Variants in NR6A1 observed in about 807,000 individuals in gnomAD.
NR6A1 encodes the protein nuclear receptor subfamily 6 group A member 1.
Under a neutral mutation model 59.1 loss-of-function variants are expected in NR6A1, and 7 were observed. The observed-to-expected ratio is 0.12, with a 90% CI of 0.07 to 0.22. The LOEUF is 0.22. Ranked by LOEUF, NR6A1 falls within the 10% of genes least tolerant of loss-of-function variation. The pLI, the probability that NR6A1 is intolerant of heterozygous loss-of-function variation, is 1.00. For missense variants in NR6A1, 468 were observed against 611.6 expected, an observed-to-expected ratio of 0.77 and a Z score of 2.48; for synonymous variants, 243 against 236.1, an observed-to-expected ratio of 1.03 and a Z score of -0.27.
intron 2 of NR6A1, among the ~76,000 whole-genome samples, chr9:124,650,358 C>T (rs1278019956): frequency 1.3e-5 from 2 of 152,048 alleles, no homozygotes; most frequent in African/African-American, 4.8e-5. Flanking sequence ...CATGTTCCCA[C>T]TCATACATGG....
At position 124,650,217 on chromosome 9, in the gene NR6A1, G is replaced by A. The variant is rs543036629; in HGVS notation, c.142+83091C>T. Among the ~76,000 whole-genome samples the A allele has an allele frequency of 1.2e-4, 19 of 152,192 alleles. No homozygotes were observed. In the South Asian group the frequency reaches 2.9e-3, roughly 23 times the overall value. ...CCTAAGGGTCCATCACCAAATGAGCGGATAAATAAAATGTGCATAAGTACA... is the reference window on the plus strand; with the variant it reads ...CCTAAGGGTCCATCACCAAATGAGCAGATAAATAAAATGTGCATAAGTACA... On this transcript the variant is annotated intron_variant, in intron 2 of 9. Transcript: ENST00000487099.
chr9:124,664,249 G>A (rs1837535086), intron 2 of NR6A1, among the ~76,000 whole-genome samples: 1 of 152,174 alleles, frequency 6.6e-6, no homozygotes, highest in African/African-American at 2.4e-5. Context: ...CCTTTTGGAG[G>A]ACATAAGGCA....
At chr9:124,546,168 T>A (rs1455057232) in intron 3 of NR6A1, among the ~76,000 whole-genome samples, 2 of 152,196 alleles carry the variant, frequency 1.3e-5, no homozygotes, top group African/African-American at 4.8e-5. Context: ...AAAATACGTA[T>A]ATGATAGAAA....
At chr9:124,659,369 C>T (rs1391089473) in intron 2 of NR6A1, among the ~76,000 whole-genome samples, 1 of 152,232 alleles carries the variant, frequency 6.6e-6, no homozygotes, top group Non-Finnish European at 1.5e-5. Flanking sequence ...GCCATTTTCC[C>T]AGCTCCGCTT....
At chr9:124,638,152 A>C (rs1836670072) in intron 2 of NR6A1, among the ~76,000 whole-genome samples, 1 of 151,964 alleles carries the variant, frequency 6.6e-6, no homozygotes, top group African/African-American at 2.4e-5. Flanking sequence ...GCTACTCAGG[A>C]GGCTAAAGCA....
intron 3 of NR6A1, among the ~76,000 whole-genome samples, chr9:124,551,057 A>G (rs1833764288): frequency 6.6e-6 from 1 of 152,032 alleles, no homozygotes; most frequent in Non-Finnish European, 1.5e-5. Context: ...CTTTTTTTAG[A>G]AAGCACTTCC....
chr9:124,595,799 T>C (rs1173804485), intron 2 of NR6A1: 17 of 1,289,712 alleles, frequency 1.3e-5, no homozygotes, highest in Non-Finnish European at 1.7e-5. Context: ...AAAGTTCTAT[T>C]GCAGCCATGA....
intron 7 of NR6A1, among the ~76,000 whole-genome samples, chr9:124,534,535 A>C (rs374438770): frequency 6.6e-6 from 1 of 152,146 alleles, no homozygotes; most frequent in African/African-American, 2.4e-5. Flanking sequence ...GAGACAACCC[A>C]CTCTGGACAG....
Position 124,752,503 on chromosome 9 carries a change from A to C in NR6A1, c.100+18517T>G, listed in dbSNP as rs184388286. Among the ~76,000 whole-genome samples, 223 of 152,310 alleles carry C rather than the reference A, an allele frequency of 1.5e-3. 1 individual carries two copies. The highest frequency in any genetic ancestry group is 2.8e-3 in the Non-Finnish European group (190 of 68,030). ...AAACATAATTATTAATATAAATTAC[A>C]AAACTACAACACGCAATAAAAGTCA... On this transcript the variant is annotated intron_variant, in intron 1 of 9. Transcript: ENST00000487099.
chr9:124,623,707 C>A (rs1836149299), intron 2 of NR6A1, among the ~76,000 whole-genome samples: 1 of 152,038 alleles, frequency 6.6e-6, no homozygotes, highest in Non-Finnish European at 1.5e-5. Flanking sequence ...CTCCTCCCTA[C>A]CCCCTGAATA....
intron 2 of NR6A1, among the ~76,000 whole-genome samples, chr9:124,556,710 C>T (rs1833939610): frequency 6.6e-6 from 1 of 152,138 alleles, no homozygotes; most frequent in Non-Finnish European, 1.5e-5. Flanking sequence ...ATCTGCACAC[C>T]TTGGCCTCCC....
chr9:124,673,108 G>A (rs897920503), intron 2 of NR6A1, among the ~76,000 whole-genome samples: 1 of 152,128 alleles, frequency 6.6e-6, no homozygotes, highest in African/African-American at 2.4e-5. Flanking sequence ...GATTGCTTGA[G>A]CCCAGGAGTT....
In NR6A1 at chr9:124,569,076, T is replaced by G. The variant is rs1289451733; in HGVS notation, c.143-14506A>C. On this transcript the variant is annotated intron_variant, in intron 2 of 9. Coordinates refer to ENST00000487099, the MANE Select transcript of NR6A1 (RefSeq NM_033334.4). Reference sequence around the variant, plus strand: ...TGCAGTGAGCCAAGATCACGCCACCTCACTCCAGCCTGGGTGACAGAGCAA... The same window carrying G: ...TGCAGTGAGCCAAGATCACGCCACCGCACTCCAGCCTGGGTGACAGAGCAA... Among the ~76,000 whole-genome samples the G allele has an allele frequency of 4.8e-3, 717 of 150,312 alleles. 10 individuals are homozygous for G. The highest frequency in any genetic ancestry group is 0.017 in the African/African-American group (688 of 39,886).
At chr9:124,632,724 C>A (rs143089516) in intron 2 of NR6A1, among the ~76,000 whole-genome samples, 245 of 152,284 alleles carry the variant, frequency 1.6e-3, no homozygotes, top group African/African-American at 5.7e-3. Context: ...TTCAATACAA[C>A]CCCATTTATA....
rs78319768 is a variant in NR6A1 at position 124,731,867 on chromosome 9, T to C, written c.142+1441A>G. Reference sequence around the variant, plus strand: ...CAACAGTAAGTTATTAATAAAGTTTTTGAGGAGTCAAAAGTTATAAGTGGA... The same window carrying C: ...CAACAGTAAGTTATTAATAAAGTTTCTGAGGAGTCAAAAGTTATAAGTGGA... On this transcript the variant is annotated intron_variant, in intron 2 of 9. Coordinates refer to ENST00000487099, the MANE Select transcript of NR6A1 (RefSeq NM_033334.4). 5.8e-4 allele frequency among the ~76,000 whole-genome samples: 89 copies of C among 152,298 alleles called. No individual in the cohort carries two copies. The East Asian group carries it at 0.015, about 25-fold the overall frequency.
intron 7 of NR6A1, among the ~76,000 whole-genome samples, chr9:124,531,500 G>C (rs1394161321): frequency 6.6e-6 from 1 of 152,202 alleles, no homozygotes; most frequent in Non-Finnish European, 1.5e-5. Flanking sequence ...GGGAGTGGGA[G>C]CAAGGCAGTA....
At chr9:124,760,596 A>AAC (rs1840762133) in intron 1 of NR6A1, among the ~76,000 whole-genome samples, 1 of 152,158 alleles carries the variant, frequency 6.6e-6, no homozygotes, top group African/African-American at 2.4e-5. Flanking sequence ...TAAATCTATG[A>AAC]AACAAATTAT....
At chr9:124,539,962 G>A (rs1406820238) in intron 5 of NR6A1, 71 bp downstream of exon 5, 4 of 1,487,180 alleles carry the variant, frequency 2.7e-6, no homozygotes, top group Non-Finnish European at 3.6e-6. Flanking sequence ...TACTCAGCCA[G>A]AGGTTTTCTG....
In NR6A1 at chr9:124,543,824, T is replaced by C. The variant is rs1833516870; in HGVS notation, c.419A>G (p.Asn140Ser). The C allele has an allele frequency of 6.2e-7, 1 of 1,613,688 alleles. No individual in the cohort carries two copies. Residue 140 changes from asparagine (N) to serine (S), a missense_variant, in exon 4 of 10, where the codon AAT becomes AGT. Physicochemically the swap from Asn to Ser is conservative, Grantham distance 46 (BLOSUM62 1). Around this residue, in one of 4 missense-constraint regions of NR6A1, gnomAD observed 66 missense variants for 139.2 expected, o/e 0.47. Transcript: ENST00000487099. ...IREDGMPGGRNKSIGPVQISE... is the reference protein window; with the variant it reads ...IREDGMPGGRSKSIGPVQISE... ...CACCTGGACTGGCCCAATGCTCTTA[T>C]TCCGGCCTCCAGGCATGCCATCTTC... is the stretch of plus-strand genomic sequence containing the variant.
Sources: gnomAD v4.1 joint callset for allele counts (sites outside exome capture counted in the v4.1 genomes callset) on GRCh38, gnomAD v4.1.1 for gene constraint, gnomAD v4.1.1 regional missense constraint, MANE v1.5 for transcripts, NCBI Gene and HGNC (gene_info 2026-07-23, HGNC 2026-07-21) for gene names.